Variants in FBXO25 observed in about 807,000 individuals in gnomAD.
FBXO25 encodes the protein F-box protein 25, also known as F-box only protein 25.
In FBXO25, 45 loss-of-function variants were observed where a neutral mutation model predicts 51.9. The ratio of observed to expected loss-of-function variants is 0.87; its 90% confidence interval spans 0.68 to 1.11. FBXO25 has a LOEUF of 1.11. Ranked by LOEUF, FBXO25 falls within the 50% of genes most tolerant of loss-of-function variation. The pLI, the probability that FBXO25 is intolerant of heterozygous loss-of-function variation, is 0.00. For synonymous variants in FBXO25, 199 were observed against 151.0 expected, an observed-to-expected ratio of 1.32 and a Z score of -2.33; for missense variants, 507 against 428.5, an observed-to-expected ratio of 1.18 and a Z score of -1.62.
intron 2 of FBXO25, among the ~76,000 whole-genome samples, chr8:429,607 C>T (rs968138915): frequency 6.6e-6 from 1 of 152,220 alleles, no homozygotes; most frequent in South Asian, 2.1e-4. Flanking sequence ...CATCTTTCTT[C>T]TCTACTTGTA....
At chr8:439,248 C>A (rs1028344334) in intron 5 of FBXO25, among the ~76,000 whole-genome samples, 1 of 152,230 alleles carries the variant, frequency 6.6e-6, no homozygotes, top group South Asian at 2.1e-4. Flanking sequence ...CCCCTCGCCC[C>A]TCTGGCAGCC....
chr8:463,633 A>C (rs374988030), intron 9 of FBXO25, among the ~76,000 whole-genome samples: 12 of 152,226 alleles, frequency 7.9e-5, no homozygotes, highest in Middle Eastern at 3.2e-3. Flanking sequence ...GTGTCCATAG[A>C]GAAGTCCTAG....
intron 9 of FBXO25, among the ~76,000 whole-genome samples, chr8:463,948 C>A (rs1799983529): frequency 6.6e-6 from 1 of 151,410 alleles, no homozygotes. Context: ...GCTACCACAC[C>A]CAGCTAATTC....
intron 2 of FBXO25, among the ~76,000 whole-genome samples, chr8:430,741 T>C (rs895960181): frequency 2.0e-5 from 3 of 152,250 alleles, no homozygotes; most frequent in African/African-American, 7.2e-5. Context: ...GTTTAGTTAT[T>C]GCCTTATGAT....
chr8:456,116 G>A (rs1451802913), intron 7 of FBXO25, among the ~76,000 whole-genome samples: 2 of 152,234 alleles, frequency 1.3e-5, no homozygotes, highest in African/African-American at 4.8e-5. Flanking sequence ...TTTCTCAGTA[G>A]GAATTAGAAT....
intron 2 of FBXO25, among the ~76,000 whole-genome samples, chr8:425,792 G>T (rs1797437096): frequency 6.6e-6 from 1 of 151,726 alleles, no homozygotes; most frequent in African/African-American, 2.4e-5. Context: ...CATTTAATAG[G>T]TGAGCCAAGT....
At chr8:429,450 CA>C (rs1361352647) in intron 2 of FBXO25, among the ~76,000 whole-genome samples, 1 of 152,106 alleles carries the variant, frequency 6.6e-6, no homozygotes, top group Non-Finnish European at 1.5e-5. Flanking sequence ...GCTGGTGAAA[CA>C]AAGGTTATAA....
chr8:413,587 C>A (rs1232970367), intron 2 of FBXO25, among the ~76,000 whole-genome samples: 1 of 152,092 alleles, frequency 6.6e-6, no homozygotes, highest in African/African-American at 2.4e-5. Context: ...CCTTGAAAGC[C>A]TGAGTTGGCA....
At chr8:420,158 G>T (rs1441851119) in intron 2 of FBXO25, among the ~76,000 whole-genome samples, 2 of 152,094 alleles carry the variant, frequency 1.3e-5, no homozygotes, top group Non-Finnish European at 2.9e-5. Flanking sequence ...AGATATAACA[G>T]TATGTTCTGG....
At chr8:430,677 G>T (rs764893400) in intron 2 of FBXO25, among the ~76,000 whole-genome samples, 7 of 152,156 alleles carry the variant, frequency 4.6e-5, no homozygotes, top group Non-Finnish European at 8.8e-5. Context: ...TAGTTTTGAG[G>T]ATGTGGATTA....
intron 6 of FBXO25, 22 bp from the exon 7 acceptor site, chr8:451,247 G>T: frequency 6.3e-7 from 1 of 1,578,924 alleles, no homozygotes; most frequent in Non-Finnish European, 8.6e-7. Flanking sequence ...TCAATCCATA[G>T]TTTTATTTTT....
chr8:476,133 T>G lies in FBXO25; in HGVS notation c.*7329T>G, dbSNP rs1800634741. On this transcript the variant is annotated 3_prime_UTR_variant, in exon 10 of 10. Coordinates refer to ENST00000350302, the MANE Select transcript of FBXO25 (RefSeq NM_183420.2). ...CTCCATCAATGGAGATCACATTTTT[T>G]TCCTTCATTCTATTAATGTAATAGA... 6.6e-6 allele frequency: 1 copy of G among 152,160 alleles called. No homozygotes were observed. The highest frequency in any genetic ancestry group is 1.5e-5 in the Non-Finnish European group (1 of 68,000). 9.4% of individuals were successfully genotyped at this position (152,160 alleles called of 1,614,324 possible).
chr8:448,849 A>G (rs1189878717), intron 5 of FBXO25, among the ~76,000 whole-genome samples: 1 of 152,252 alleles, frequency 6.6e-6, no homozygotes, highest in Non-Finnish European at 1.5e-5. Flanking sequence ...GTAAACTAAC[A>G]GGCTAAGATG....
intron 1 of FBXO25, among the ~76,000 whole-genome samples, chr8:412,252 A>G (rs1796522391): frequency 6.6e-6 from 1 of 152,190 alleles, no homozygotes; most frequent in South Asian, 2.1e-4. Context: ...TTCCTTCTGT[A>G]TGTCTTATCC....
At chr8:464,851 C>G (rs957903574) in intron 9 of FBXO25, among the ~76,000 whole-genome samples, 5 of 152,182 alleles carry the variant, frequency 3.3e-5, no homozygotes, top group African/African-American at 9.7e-5. Context: ...TGACTTCTCT[C>G]TTTCCTGAAA....
chr8:435,852 C>G (rs1387045144), intron 5 of FBXO25, 145 bp downstream of exon 5: 3 of 1,215,812 alleles, frequency 2.5e-6, no homozygotes, highest in African/African-American at 1.6e-5. Flanking sequence ...CAGAAGGGAA[C>G]AAGTTCAGGA....
At chr8:441,631 T>C (rs903850565) in intron 5 of FBXO25, among the ~76,000 whole-genome samples, 9 of 152,282 alleles carry the variant, frequency 5.9e-5, no homozygotes, top group African/African-American at 2.2e-4. Flanking sequence ...GACAAAGGGC[T>C]AACATCCAGA....
chr8:433,854 T>C (rs1797956445), intron 4 of FBXO25, among the ~76,000 whole-genome samples: 1 of 152,220 alleles, frequency 6.6e-6, no homozygotes, highest in African/African-American at 2.4e-5. Flanking sequence ...TCTGTTTGGT[T>C]ATGGTTAGTG....
rs767176034 is a variant in FBXO25 at position 458,499 on chromosome 8, AAGAC to A, written c.798_801del (p.Arg266SerfsTer20). 20 of 1,614,050 alleles carry A rather than the reference AAGAC, an allele frequency of 1.2e-5. No homozygotes were observed. The African/African-American group carries it at 2.1e-4, about 17-fold the overall frequency. The stretch of plus-strand genomic sequence containing the variant: ...ACCCCCACGTTGTATATGCTTAGTG[AAGAC>A]AGACAGCTGTGGAAGAAGCTTTGTC... On this transcript the variant is annotated frameshift_variant, in exon 8 of 10. Coordinates refer to ENST00000350302, the MANE Select transcript of FBXO25 (RefSeq NM_183420.2). LOFTEE classifies it high-confidence loss of function.
Sources: gnomAD v4.1 joint callset for allele counts (sites outside exome capture counted in the v4.1 genomes callset) on GRCh38, gnomAD v4.1.1 for gene constraint, MANE v1.5 for transcripts, NCBI Gene and HGNC (gene_info 2026-07-23, HGNC 2026-07-21) for gene names.